Variants in SMYD3 observed in about 807,000 individuals in gnomAD.
The protein encoded by SMYD3 is SET and MYND domain containing 3.
SMYD3 carries 36 observed loss-of-function variants against 57.7 expected under a neutral mutation model. That is an observed-to-expected ratio of 0.62 (90% CI 0.48 to 0.82). SMYD3 has a LOEUF of 0.82. Ranked by LOEUF, SMYD3 falls within the 40% of genes least tolerant of loss-of-function variation. The pLI is 0.00. For synonymous variants in SMYD3, 211 were observed against 195.0 expected (o/e 1.08, Z -0.68); for missense variants, 515 against 538.8 (o/e 0.96, Z 0.44).
intron 5 of SMYD3, among the ~76,000 whole-genome samples, chr1:246,324,555 T>G (rs1051869691): frequency 6.6e-6 from 1 of 151,620 alleles, no homozygotes; most frequent in Non-Finnish European, 1.5e-5. Flanking sequence ...AGGCCAGGTA[T>G]AGCCAGCCTT....
chr1:245,768,465 T>C (rs1038452479), intron 10 of SMYD3, among the ~76,000 whole-genome samples: 3 of 152,224 alleles, frequency 2.0e-5, no homozygotes, highest in Non-Finnish European at 4.4e-5. Flanking sequence ...CTGATCTCTA[T>C]TGGTCCTACG....
chr1:246,066,658 T>C (rs2060345201), intron 5 of SMYD3, among the ~76,000 whole-genome samples: 1 of 152,194 alleles, frequency 6.6e-6, no homozygotes, highest in South Asian at 2.1e-4. Flanking sequence ...TAGATCAATG[T>C]TTTAAAATCC....
In SMYD3 at chr1:245,979,595, A is replaced by G. The variant is rs116349674; in HGVS notation, c.532-49658T>C. ...CCTGCTGCCACCAGGAGCTACGGGAAAGAAACGGAACAGTCTGCCTCAGAA... is the reference window on the plus strand; with the variant it reads ...CCTGCTGCCACCAGGAGCTACGGGAGAGAAACGGAACAGTCTGCCTCAGAA... On this transcript the variant is annotated intron_variant, in intron 5 of 11. Transcript: ENST00000490107. 3.0e-3 allele frequency among the ~76,000 whole-genome samples: 464 copies of G among 152,294 alleles called. 2 individuals are homozygous for G. Among genetic ancestry groups the G allele is most frequent in the African/African-American group, 0.01 (420 of 41,564 alleles).
chr1:246,404,840 T>C (rs1036966719), intron 1 of SMYD3, among the ~76,000 whole-genome samples: 14 of 152,214 alleles, frequency 9.2e-5, no homozygotes, highest in Non-Finnish European at 1.6e-4. Flanking sequence ...AGAGCAAGTA[T>C]AAAACCTTTC....
chr1:246,270,689 T>C (rs181435558), intron 5 of SMYD3, among the ~76,000 whole-genome samples: 264 of 152,348 alleles, frequency 1.7e-3, no homozygotes, highest in Non-Finnish European at 3.0e-3. Context: ...TTTTATGATA[T>C]GTATGTATGT....
At chr1:246,375,057 C>T (rs2066252290) in intron 1 of SMYD3, among the ~76,000 whole-genome samples, 1 of 152,016 alleles carries the variant, frequency 6.6e-6, no homozygotes, top group African/African-American at 2.4e-5. Flanking sequence ...CGCGCTGTTG[C>T]ACTCCAGCCT....
intron 5 of SMYD3, among the ~76,000 whole-genome samples, chr1:245,967,132 A>ATT (rs944232155): frequency 6.6e-6 from 1 of 152,142 alleles, no homozygotes; most frequent in Admixed American, 6.5e-5. Flanking sequence ...GTGATGGATG[A>ATT]TTTCTGAGAG....
chr1:246,405,487 G>T (rs1400918999), intron 1 of SMYD3, among the ~76,000 whole-genome samples: 1 of 152,176 alleles, frequency 6.6e-6, no homozygotes, highest in African/African-American at 2.4e-5. Flanking sequence ...GAGCTAGCCA[G>T]AAAATGTCAA....
intron 5 of SMYD3, among the ~76,000 whole-genome samples, chr1:246,176,523 T>C (rs927017176): frequency 6.6e-6 from 1 of 152,204 alleles, no homozygotes; most frequent in Non-Finnish European, 1.5e-5. Context: ...AATGCTTATA[T>C]AGGCTTTTGT....
At chr1:245,854,683 C>A (rs1426552043) in intron 10 of SMYD3, among the ~76,000 whole-genome samples, 2 of 152,054 alleles carry the variant, frequency 1.3e-5, no homozygotes, top group African/African-American at 2.4e-5. Context: ...CCTCCATACA[C>A]CACCTCAGCA....
intron 5 of SMYD3, among the ~76,000 whole-genome samples, chr1:246,033,237 G>A (rs2148269374): frequency 6.6e-6 from 1 of 152,108 alleles, no homozygotes; most frequent in South Asian, 2.1e-4. Flanking sequence ...CTAGGGATAA[G>A]GGCAACAACC....
chr1:246,077,879 A>G (rs529064342), intron 5 of SMYD3, among the ~76,000 whole-genome samples: 1 of 152,236 alleles, frequency 6.6e-6, no homozygotes, highest in African/African-American at 2.4e-5. Context: ...TGACATTCTC[A>G]TTTTTAAAAA....
chr1:246,356,386 CT>C, intron 1 of SMYD3, among the ~76,000 whole-genome samples: 1 of 152,146 alleles, frequency 6.6e-6, no homozygotes, highest in East Asian at 1.9e-4. Context: ...AAAACAAGCT[CT>C]TTAACACCCC....
At chr1:245,980,430 A>C (rs2058566769) in intron 5 of SMYD3, among the ~76,000 whole-genome samples, 1 of 152,234 alleles carries the variant, frequency 6.6e-6, no homozygotes. Context: ...GGCCACACAG[A>C]GGGCAACGAA....
At chr1:246,061,803 T>A (rs1428360623) in intron 5 of SMYD3, among the ~76,000 whole-genome samples, 1 of 152,204 alleles carries the variant, frequency 6.6e-6, no homozygotes, top group Non-Finnish European at 1.5e-5. Context: ...AAGAAGCTTT[T>A]GATTCGTTAG....
intron 1 of SMYD3, among the ~76,000 whole-genome samples, chr1:246,405,771 G>T (rs565276259): frequency 1.9e-4 from 29 of 152,008 alleles, no homozygotes; most frequent in Admixed American, 4.6e-4. Flanking sequence ...TTAGCCGGGC[G>T]TGGTGGCGGG....
At chr1:246,448,078 G>A (rs948266832) in intron 1 of SMYD3, among the ~76,000 whole-genome samples, 21 of 152,172 alleles carry the variant, frequency 1.4e-4, no homozygotes, top group Admixed American at 9.8e-4. Flanking sequence ...TTAGCCAGGC[G>A]TGGTGGCGCA....
intron 5 of SMYD3, among the ~76,000 whole-genome samples, chr1:246,018,104 G>C (rs1472664809): frequency 6.6e-6 from 1 of 152,118 alleles, no homozygotes; most frequent in Non-Finnish European, 1.5e-5. Flanking sequence ...AGGTGTTACA[G>C]TTCCCAGGTC....
At chr1:246,450,758 T>C (rs1187761210) in intron 1 of SMYD3, among the ~76,000 whole-genome samples, 1 of 152,228 alleles carries the variant, frequency 6.6e-6, no homozygotes. Flanking sequence ...CTGAAGAATT[T>C]GAGAAAGTCT....
Sources: gnomAD v4.1 joint callset for allele counts (sites outside exome capture counted in the v4.1 genomes callset) on GRCh38, gnomAD v4.1.1 for gene constraint, MANE v1.5 for transcripts, NCBI Gene and HGNC (gene_info 2026-07-23, HGNC 2026-07-21) for gene names.